USP34: variants seen among roughly 807,000 people sequenced by gnomAD.
USP34 encodes ubiquitin carboxyl-terminal hydrolase 34.
A neutral mutation model predicts 460.3 loss-of-function variants in USP34; 70 were observed. That is an observed-to-expected ratio of 0.15 (90% CI 0.13 to 0.19). The LOEUF is 0.19. Ranked by LOEUF, USP34 falls within the 10% of genes least tolerant of loss-of-function variation. The pLI, the probability that USP34 is intolerant of heterozygous loss-of-function variation, is 1.00. For missense variants in USP34, 3,985 were observed against 4,236.2 expected (o/e 0.94, Z 1.65); for synonymous variants, 1,647 against 1,405.3 (o/e 1.17, Z -3.85).
In USP34 at chr2:61,456,468, G is replaced by A. The variant is rs761373945; in HGVS notation, c.43+14182C>T. On this transcript the variant is annotated intron_variant, in intron 1 of 79. Coordinates refer to ENST00000398571, the MANE Select transcript of USP34 (RefSeq NM_014709.4). ...CAGAAAAGATTCACTCTTTTTCTCCGCATAGTTTAAGTACGTGATGTCCAA... is the reference window on the plus strand; with the variant it reads ...CAGAAAAGATTCACTCTTTTTCTCCACATAGTTTAAGTACGTGATGTCCAA... Among the ~76,000 whole-genome samples, 5 of 152,286 alleles carry A rather than the reference G, an allele frequency of 3.3e-5. No homozygotes were observed. The East Asian group carries it at 5.8e-4, about 18-fold the overall frequency.
intron 26 of USP34, 25 bp downstream of exon 26, chr2:61,311,759 T>C (rs765012668): frequency 1.2e-6 from 2 of 1,610,682 alleles, no homozygotes. Flanking sequence ...TGTTATCAAC[T>C]TCGAAATTAA....
intron 32 of USP34, 50 bp from the exon 33 acceptor site, chr2:61,293,600 C>T: frequency 1.4e-6 from 2 of 1,385,998 alleles, no homozygotes; most frequent in East Asian, 2.3e-5. Context: ...ATATATAATG[C>T]AATAATGCTT....
chr2:61,396,786 T>C (rs1323140979), intron 3 of USP34, among the ~76,000 whole-genome samples: 1 of 151,988 alleles, frequency 6.6e-6, no homozygotes, highest in Non-Finnish European at 1.5e-5. Flanking sequence ...CCTCGCCCAG[T>C]CCTAACTCTT....
chr2:61,330,304 G>C (rs1482229455), intron 20 of USP34, among the ~76,000 whole-genome samples: 1 of 151,992 alleles, frequency 6.6e-6, no homozygotes, highest in Non-Finnish European at 1.5e-5. Context: ...ACTAACACTG[G>C]CTTTTTTCTC....
At chr2:61,262,088 CAAAAAAAAAA>C (rs61651654) in intron 43 of USP34, among the ~76,000 whole-genome samples, 775 of 46,788 alleles carry the variant, frequency 0.017, 10 homozygotes, top group East Asian at 0.059. Flanking sequence ...AAGACTTCGT[CAAAAAAAAAA>C]AAAAAAAAAA....
intron 3 of USP34, among the ~76,000 whole-genome samples, chr2:61,395,757 G>A (rs532987241): frequency 5.9e-4 from 69 of 116,522 alleles, no homozygotes; most frequent in Non-Finnish European, 8.0e-4. Context: ...CAGCACTCCC[G>A]CCTGGGCGAC....
At chr2:61,292,533 G>A (rs1181706330) in intron 33 of USP34, among the ~76,000 whole-genome samples, 2 of 152,188 alleles carry the variant, frequency 1.3e-5, no homozygotes, top group Non-Finnish European at 2.9e-5. Context: ...AAGAACAACT[G>A]TCTTGGCCCA....
At chr2:61,248,166 T>A (rs1572869378) in intron 49 of USP34, among the ~76,000 whole-genome samples, 7 of 67,962 alleles carry the variant, frequency 1.0e-4, no homozygotes, top group South Asian at 4.8e-4. Context: ...GGAGACAAAA[T>A]AAGACTGTCT....
At chr2:61,256,289 A>G (rs1381839509) in intron 48 of USP34, 95 bp downstream of exon 48, 1 of 1,143,140 alleles carries the variant, frequency 8.7e-7, no homozygotes, top group Admixed American at 2.3e-5. Context: ...TACCTTCATC[A>G]TATAATTTCC....
At chr2:61,411,255 G>A (rs1409787039) in intron 2 of USP34, among the ~76,000 whole-genome samples, 1 of 151,798 alleles carries the variant, frequency 6.6e-6, no homozygotes, top group African/African-American at 2.4e-5. Context: ...GGTGCCATAC[G>A]CCCGTAATCC....
intron 20 of USP34, among the ~76,000 whole-genome samples, chr2:61,326,777 ATTTTTTTTTT>A (rs35060068): frequency 9.7e-6 from 1 of 103,034 alleles, no homozygotes. Flanking sequence ...GTCAATGGGC[ATTTTTTTTTT>A]TTTTTTTTTT....
rs778489430 is a variant in USP34 at position 61,204,466 on chromosome 2, T to C, written c.9259+31A>G. ...GTGCAGAACGATTAAATGCGAACCATATTGAAGTACTGTGCTAGATAAATA... is the reference window on the plus strand; with the variant it reads ...GTGCAGAACGATTAAATGCGAACCACATTGAAGTACTGTGCTAGATAAATA... On this transcript the variant is annotated intron_variant, in intron 73 of 79. Coordinates refer to ENST00000398571, the MANE Select transcript of USP34 (RefSeq NM_014709.4). The C allele has an allele frequency of 1.9e-6, 3 of 1,612,480 alleles. No homozygotes were observed. In the South Asian group the frequency reaches 3.3e-5, roughly 18 times the overall value.
chr2:61,214,867 A>G (rs991076069), intron 67 of USP34, among the ~76,000 whole-genome samples, 173 bp from the exon 68 acceptor site: 1 of 152,266 alleles, frequency 6.6e-6, no homozygotes, highest in African/African-American at 2.4e-5. Flanking sequence ...AAAAGATCCC[A>G]AGAGGTGATA....
intron 3 of USP34, among the ~76,000 whole-genome samples, chr2:61,403,439 C>T (rs1388774427): frequency 6.6e-6 from 1 of 151,992 alleles, no homozygotes; most frequent in African/African-American, 2.4e-5. Context: ...CTTTCAGTTA[C>T]CAAGTTAAGA....
At chr2:61,311,498 AAGAGAG>A (rs762393765) in intron 27 of USP34, 36 bp downstream of exon 27, 1 of 525,132 alleles carries the variant, frequency 1.9e-6, no homozygotes, top group African/African-American at 6.8e-5. Flanking sequence ...AAAAGAAAGA[AAGAGAG>A]AAAGAGAAAG....
At position 61,398,109 on chromosome 2, in the gene USP34, C is replaced by T. The variant is rs2103911542; in HGVS notation, c.553-2876G>A. ...TGCTTTTAGGTTGAGTGCAGTGGCT[C>T]ACACCTATAATCCCAGCACTGTGGG... On this transcript the variant is annotated intron_variant, in intron 3 of 79. Coordinates refer to ENST00000398571, the MANE Select transcript of USP34 (RefSeq NM_014709.4). Among the ~76,000 whole-genome samples, 2 of 152,146 alleles carry T rather than the reference C, an allele frequency of 1.3e-5. 1 individual carries two copies. Among genetic ancestry groups the T allele is most frequent in the South Asian group, 4.2e-4 (2 of 4,816 alleles).
chr2:61,296,702 T>G (rs2103628030), intron 30 of USP34, 98 bp downstream of exon 30: 2 of 1,275,634 alleles, frequency 1.6e-6, no homozygotes, highest in East Asian at 2.5e-5. Context: ...TATATTCAGA[T>G]TTACTGAGGG....
Position 61,451,983 on chromosome 2 carries a change from G to C in USP34, c.43+18667C>G, listed in dbSNP as rs957106868. Among the ~76,000 whole-genome samples the C allele has an allele frequency of 3.9e-4, 59 of 152,096 alleles. 1 individual carries two copies. Among genetic ancestry groups the C allele is most frequent in the African/African-American group, 1.4e-3 (59 of 41,552 alleles). On this transcript the variant is annotated intron_variant, in intron 1 of 79. Transcript: ENST00000398571. Reference sequence around the variant, plus strand: ...GAGGTCAGGAGATCGAGACCATCCTGGCTAACACGGTGAAACCCGTCTCTA... The same window carrying C: ...GAGGTCAGGAGATCGAGACCATCCTCGCTAACACGGTGAAACCCGTCTCTA...
In USP34 at chr2:61,211,832, G is replaced by A. The variant is rs779350569; in HGVS notation, c.8780C>T (p.Thr2927Ile). ...GCAACGTAAGTAACAACTTATGGTT[G>A]TTTTCTTGAACTGTTTAATATCTTC... ...ELEDIKQFKK[T>I]TISCYLRCLD... Residue 2927 changes from threonine to isoleucine, a missense_variant, in exon 69 of 80, where the codon ACA becomes ATA. Around this residue, in one of 14 missense-constraint regions of USP34, gnomAD observed 275 missense variants for 292.7 expected, o/e 0.94. Transcript: ENST00000398571. 1.2e-6 allele frequency: 2 copies of A among 1,607,126 alleles called. No individual in the cohort carries two copies. Among genetic ancestry groups the A allele is most frequent in the East Asian group, 2.3e-5 (1 of 44,274 alleles).
Sources: allele counts gnomAD v4.1 joint callset (sites outside exome capture counted in the v4.1 genomes callset), GRCh38; gene constraint gnomAD v4.1.1; regional missense constraint gnomAD v4.1.1; transcripts MANE v1.5; gene names NCBI Gene and HGNC (gene_info 2026-07-23, HGNC 2026-07-21).